The following CMYA5 variants were observed in gnomAD, a reference collection of about 807,000 sequenced individuals.
CMYA5 encodes the protein cardiomyopathy associated 5.
CMYA5 carries 246 observed loss-of-function variants against 318.9 expected under a neutral mutation model. The ratio of observed to expected loss-of-function variants is 0.77; its 90% CI spans 0.70 to 0.86. The LOEUF is 0.86. Ranked by LOEUF, CMYA5 falls within the 40% of genes least tolerant of loss-of-function variation. The probability of loss-of-function intolerance (pLI) is 0.00; values close to 1 mark genes in which losing one functional copy is unlikely to be tolerated. For missense variants in CMYA5, 4,589 were observed against 4,678.2 expected (o/e 0.98, Z 0.56); for synonymous variants, 1,641 against 1,729.5 (o/e 0.95, Z 1.27).
Position 79,799,389 on chromosome 5 carries a change from G to T in CMYA5, c.11983G>T (p.Gly3995Cys). ...TTTCAGATACACATTTTTCTACAGT[G>T]GTATTGTGAGTGATGTTCATGTGAC... ...EPQRYTFFYS[G>C]IVSDVHVTER... Residue 3995 changes from glycine (G) to cysteine (C), a missense_variant, in exon 13 of 13, where the codon GGT (glycine) becomes TGT (cysteine). Coordinates refer to ENST00000446378, the MANE Select transcript of CMYA5 (RefSeq NM_153610.5). 1 of 1,610,196 alleles carries T rather than the reference G, an allele frequency of 6.2e-7. No homozygotes were observed. Among genetic ancestry groups the T allele is most frequent in the Non-Finnish European group, 8.5e-7 (1 of 1,176,786 alleles).
In CMYA5 at chr5:79,747,057, T is replaced by C. The variant is rs541443173; in HGVS notation, c.10969-34T>C. On this transcript the variant is annotated intron_variant, in intron 4 of 12. Transcript: ENST00000446378. ...CTCTTTCTCTCTCTCTTTTTCTCTC[T>C]TCTCCTCCTCCTTCCTCTCTCTTTC... The C allele has an allele frequency of 4.5e-5, 56 of 1,254,688 alleles. No homozygotes were observed. The African/African-American group carries it at 7.0e-4, about 16-fold the overall frequency. 77.7% of individuals were successfully genotyped at this position (1,254,688 alleles called of 1,614,324 possible).
intron 1 of CMYA5, among the ~76,000 whole-genome samples, chr5:79,708,679 C>A (rs1257654979): frequency 2.0e-5 from 3 of 152,024 alleles, no homozygotes; most frequent in African/African-American, 7.3e-5. Flanking sequence ...GTGGCTCACT[C>A]CTGTAATCCC....
intron 1 of CMYA5, among the ~76,000 whole-genome samples, chr5:79,711,849 G>C (rs1827396930): frequency 6.6e-6 from 1 of 152,230 alleles, no homozygotes; most frequent in Admixed American, 6.5e-5. Context: ...TGTGGGCCTA[G>C]ATTGAAATTC....
intron 1 of CMYA5, among the ~76,000 whole-genome samples, chr5:79,706,344 T>C (rs1827273180): frequency 6.6e-6 from 1 of 152,198 alleles, no homozygotes; most frequent in African/African-American, 2.4e-5. Flanking sequence ...ATCTGTAATT[T>C]CTAACAGAGC....
Position 79,747,124 on chromosome 5 carries a change from C to G in CMYA5, c.10991+11C>G. 6.5e-7 allele frequency: 1 copy of G among 1,541,538 alleles called. No homozygotes were observed. Among genetic ancestry groups the G allele is most frequent in the Non-Finnish European group, 8.8e-7 (1 of 1,141,118 alleles). ...GGAAATCAATGAAAGGTATATAAAA[C>G]ATGATACAATGTAGTGGCAAACAGC... On this transcript the variant is annotated intron_variant, in intron 5 of 12. Coordinates refer to ENST00000446378, the MANE Select transcript of CMYA5 (RefSeq NM_153610.5).
At chr5:79,702,971 A>C (rs986667996) in intron 1 of CMYA5, among the ~76,000 whole-genome samples, 5 of 152,148 alleles carry the variant, frequency 3.3e-5, no homozygotes, top group African/African-American at 1.2e-4. Context: ...CGGTCTAAAA[A>C]CGGATGTGAA....
chr5:79,738,273 A>G lies in CMYA5; in HGVS notation c.9508A>G (p.Ile3170Val). Residue 3170 changes from isoleucine to valine, a missense_variant, in exon 2 of 13, where the codon ATA becomes GTA. Ile to Val is a conservative substitution (Grantham distance 29). This residue lies in a region of CMYA5 where 2,431 missense variants were observed against 2,495.1 expected (regional missense o/e 0.97). Coordinates refer to ENST00000446378, the MANE Select transcript of CMYA5 (RefSeq NM_153610.5). ...AEEGVLSRTQ[I>V]FPTTIKVIDP... ...GGAAGGAGTTCTATCACGAACCCAG[A>G]TATTTCCTACCACTATTAAAGTCAT... 8 of 1,613,554 alleles carry G rather than the reference A, an allele frequency of 5.0e-6. No homozygotes were observed. The highest frequency in any genetic ancestry group is 6.8e-6 in the Non-Finnish European group (8 of 1,179,788).
intron 12 of CMYA5, among the ~76,000 whole-genome samples, chr5:79,797,187 A>G (rs1227665115): frequency 6.6e-6 from 1 of 152,152 alleles, no homozygotes; most frequent in Non-Finnish European, 1.5e-5. Flanking sequence ...CTGTTCACCA[A>G]CCATCCATTT....
intron 1 of CMYA5, among the ~76,000 whole-genome samples, chr5:79,698,475 A>G (rs1011685756): frequency 2.6e-5 from 4 of 152,058 alleles, no homozygotes; most frequent in African/African-American, 9.7e-5. Flanking sequence ...TACCTCTCTC[A>G]GCTCATCTCA....
chr5:79,778,186 A>G (rs1254371482), intron 9 of CMYA5: 1 of 152,242 alleles, frequency 6.6e-6, no homozygotes, highest in African/African-American at 2.4e-5. Flanking sequence ...AGTTGTTTCT[A>G]TTCTCTTGCC....
intron 1 of CMYA5, among the ~76,000 whole-genome samples, chr5:79,717,840 T>C (rs1827548157): frequency 6.6e-6 from 1 of 152,190 alleles, no homozygotes; most frequent in Non-Finnish European, 1.5e-5. Flanking sequence ...ATGAAATTTT[T>C]TCTTAACTCC....
Position 79,733,542 on chromosome 5 carries a change from A to G in CMYA5, c.4777A>G (p.Lys1593Glu), listed in dbSNP as rs914837522. 4.3e-6 allele frequency: 7 copies of G among 1,613,836 alleles called. No homozygotes were observed. The highest frequency in any genetic ancestry group is 5.9e-6 in the Non-Finnish European group (7 of 1,179,850). Residue 1593 changes from lysine (K) to glutamate (E), a missense_variant, in exon 2 of 13, where the codon AAA becomes GAA. Physicochemically the swap from Lys to Glu is moderately conservative, Grantham distance 56. This residue lies in a region of CMYA5 where 2,132 missense variants were observed against 2,131.3 expected (regional missense o/e 1.00). Coordinates refer to ENST00000446378, the MANE Select transcript of CMYA5 (RefSeq NM_153610.5). ...TLLLLSDDKN[K>E]PAVEVSSTAQ... is the part of the protein sequence containing the mutation. ...ACTGCTCCTCAGTGATGATAAGAACAAACCGGCAGTGGAGGTATCTTCTAC... is the reference window on the plus strand; with the variant it reads ...ACTGCTCCTCAGTGATGATAAGAACGAACCGGCAGTGGAGGTATCTTCTAC...
chr5:79,734,193 T>A lies in CMYA5; in HGVS notation c.5428T>A (p.Ser1810Thr). The A allele has an allele frequency of 6.2e-7, 1 of 1,613,746 alleles. No individual in the cohort carries two copies. The highest frequency in any genetic ancestry group is 8.5e-7 in the Non-Finnish European group (1 of 1,179,794). The change falls in exon 2 of 13, where the codon TCA becomes ACA. Residue 1810 changes from serine (S) to threonine (T), a missense_variant. Physicochemically the swap from Ser to Thr is moderately conservative, Grantham distance 58. Transcript: ENST00000446378. ...SQVLQSITEP[S>T]KIAPSDLLVE... ...GGTACTCCAGAGTATAACAGAACCA[T>A]CAAAGATTGCTCCTTCTGACCTCCT...
intron 1 of CMYA5, among the ~76,000 whole-genome samples, chr5:79,693,739 T>C (rs1011071566): frequency 6.6e-6 from 1 of 152,220 alleles, no homozygotes; most frequent in Non-Finnish European, 1.5e-5. Flanking sequence ...AGATATTTAT[T>C]GAACTCCTAC....
In CMYA5 at chr5:79,735,771, G is replaced by A. The variant is rs780542659; in HGVS notation, c.7006G>A (p.Val2336Ile). The A allele has an allele frequency of 6.4e-6, 10 of 1,569,906 alleles. No individual in the cohort carries two copies. The highest frequency in any genetic ancestry group is 6.0e-5 in the Admixed American group (3 of 50,324). ...KLVMEEAKTI[V>I]PPHVTDSKRV... Reference sequence around the variant, plus strand: ...GGTTATGGAAGAAGCCAAAACTATTGTTCCTCCTCATGTTACTGATAGTAA... The same window carrying A: ...GGTTATGGAAGAAGCCAAAACTATTATTCCTCCTCATGTTACTGATAGTAA... Residue 2336 changes from valine (V) to isoleucine (I), a missense_variant, in exon 2 of 13, where the codon GTT (valine) becomes ATT (isoleucine). Coordinates refer to ENST00000446378, the MANE Select transcript of CMYA5 (RefSeq NM_153610.5).
intron 6 of CMYA5, 93 bp from the exon 7 acceptor site, chr5:79,758,660 T>C: frequency 9.6e-7 from 1 of 1,046,820 alleles, no homozygotes; most frequent in Non-Finnish European, 1.3e-6. Context: ...TATTTCTGTA[T>C]TCTTTGAATA....
chr5:79,795,011 A>G (rs973063157), intron 12 of CMYA5, among the ~76,000 whole-genome samples: 6 of 152,166 alleles, frequency 3.9e-5, no homozygotes, highest in African/African-American at 1.4e-4. Context: ...TATTAATTTC[A>G]TGAAAATGTC....
chr5:79,736,525 C>T lies in CMYA5; in HGVS notation c.7760C>T (p.Ser2587Leu). 1 of 1,613,376 alleles carries T rather than the reference C, an allele frequency of 6.2e-7. No homozygotes were observed. The highest frequency in any genetic ancestry group is 8.5e-7 in the Non-Finnish European group (1 of 1,179,648). The change falls in exon 2 of 13, where the codon TCA (serine) becomes TTA (leucine). Residue 2587 changes from serine (S) to leucine (L), a missense_variant. Ser to Leu is a moderately radical substitution (Grantham distance 145). This residue lies in a region of CMYA5 where 2,431 missense variants were observed against 2,495.1 expected (regional missense o/e 0.97). Coordinates refer to ENST00000446378, the MANE Select transcript of CMYA5 (RefSeq NM_153610.5). ...GHSLGETQSFSLVKATSVTEK... is the reference protein window; with the variant it reads ...GHSLGETQSFLLVKATSVTEK... The stretch of plus-strand genomic sequence containing the variant: ...TCTTTGGGTGAAACTCAATCATTTT[C>T]ATTAGTTAAAGCTACATCAGTTACT...
intron 5 of CMYA5, 110 bp downstream of exon 5, chr5:79,747,223 T>G: frequency 1.0e-6 from 1 of 998,138 alleles, no homozygotes; most frequent in Non-Finnish European, 1.4e-6. Flanking sequence ...ATGCATTTAG[T>G]GGGCTACAGT....
Sources: allele counts gnomAD v4.1 joint callset (sites outside exome capture counted in the v4.1 genomes callset), GRCh38; gene constraint gnomAD v4.1.1; regional missense constraint gnomAD v4.1.1; transcripts MANE v1.5; gene names NCBI Gene and HGNC (gene_info 2026-07-23, HGNC 2026-07-21).